Variants in CEP112 observed in about 807,000 individuals in gnomAD.
The protein encoded by CEP112 is centrosomal protein of 112 kDa.
Under a neutral mutation model 153.0 loss-of-function variants are expected in CEP112, and 127 were observed. The observed-to-expected ratio is 0.83, with a 90% CI of 0.72 to 0.96. The LOEUF (loss-of-function observed/expected upper bound fraction) is 0.96, where lower values mean the gene tolerates loss of function less well. Ranked by LOEUF, CEP112 falls within the 40% of genes least tolerant of loss-of-function variation. The pLI is 0.00. For missense variants in CEP112, 1,089 were observed against 1,101.2 expected, an observed-to-expected ratio of 0.99 and a Z score of 0.16; for synonymous variants, 358 against 374.4, an observed-to-expected ratio of 0.96 and a Z score of 0.51.
At chr17:65,664,574 A>G (rs1034294959) in intron 24 of CEP112, among the ~76,000 whole-genome samples, 1 of 152,200 alleles carries the variant, frequency 6.6e-6, no homozygotes, top group Admixed American at 6.5e-5. Flanking sequence ...GGGAGAACGG[A>G]GATGATGAAT....
chr17:65,970,205 TGTC>T (rs1568312619), intron 17 of CEP112, among the ~76,000 whole-genome samples: 1 of 148,538 alleles, frequency 6.7e-6, no homozygotes, highest in South Asian at 2.2e-4. Context: ...GCTGCATGCA[TGTC>T]ATGCATGCAT....
chr17:65,870,523 T>G (rs2058638517), intron 20 of CEP112, among the ~76,000 whole-genome samples: 1 of 152,210 alleles, frequency 6.6e-6, no homozygotes. Context: ...TATATATTTT[T>G]TCTAGACTCA....
rs146760522 is a variant in CEP112, at chr17:65,654,007, C to T, written c.2698-12942G>A. Among the ~76,000 whole-genome samples the T allele has an allele frequency of 7.5e-3, 1,046 of 139,188 alleles. 17 individuals are homozygous for T. Among genetic ancestry groups the T allele is most frequent in the African/African-American group, 0.027 (986 of 36,170 alleles). The allele number at this position is 139,188 out of a possible 152,430, so 91.3% of individuals were successfully genotyped here. On this transcript the variant is annotated intron_variant, in intron 24 of 26. Coordinates refer to ENST00000535342, the MANE Select transcript of CEP112 (RefSeq NM_001199165.4). ...CCAGGAGACAGAGGTTGCAGTAAGC[C>T]GAGATTGCGCCACTGTACTCTAGCC...
chr17:65,900,927 A>G (rs1206738568), intron 20 of CEP112, among the ~76,000 whole-genome samples: 1 of 152,220 alleles, frequency 6.6e-6, no homozygotes, highest in East Asian at 1.9e-4. Context: ...GTTGAAAATA[A>G]TTGTACTGTA....
intron 6 of CEP112, among the ~76,000 whole-genome samples, chr17:66,110,720 T>G (rs1483920592): frequency 2.0e-5 from 3 of 147,460 alleles, no homozygotes; most frequent in Non-Finnish European, 3.0e-5. Flanking sequence ...TCAAGATGGA[T>G]TAAAGACTTA....
At chr17:65,918,523 T>G (rs1480597367) in intron 19 of CEP112, among the ~76,000 whole-genome samples, 1 of 152,362 alleles carries the variant, frequency 6.6e-6, no homozygotes, top group East Asian at 1.9e-4. Context: ...CTTGTTTATC[T>G]GCTGAACTAC....
At chr17:65,852,235 TTCC>T (rs2057963751) in intron 20 of CEP112, among the ~76,000 whole-genome samples, 2 of 14,064 alleles carry the variant, frequency 1.4e-4, no homozygotes, top group Non-Finnish European at 3.3e-4. Context: ...TCCCTCTCCC[TTCC>T]TTCCTTCCTT....
chr17:65,827,370 T>C, intron 21 of CEP112, among the ~76,000 whole-genome samples: 1 of 152,200 alleles, frequency 6.6e-6, no homozygotes. Context: ...TATCTATGGC[T>C]TACTTTCTGG....
chr17:66,110,288 C>T lies in CEP112; in HGVS notation c.643-13656G>A, dbSNP rs146600666. Among the ~76,000 whole-genome samples, 28 of 150,872 alleles carry T rather than the reference C, an allele frequency of 1.9e-4. 2 individuals carry two copies. In the East Asian group the frequency reaches 2.5e-3, roughly 14 times the overall value. On this transcript the variant is annotated intron_variant, in intron 6 of 26. Transcript: ENST00000535342. ...CGGAGGATGCAGTGAGCAGAGATTG[C>T]GCCACTGCATTCCAGCCTGGCAATG...
In CEP112 at chr17:65,749,341, T is replaced by C. The variant is rs184465882; in HGVS notation, c.2457+1321A>G. Among the ~76,000 whole-genome samples the C allele has an allele frequency of 8.4e-3, 1,276 of 151,998 alleles. 13 individuals are homozygous for C. Among genetic ancestry groups the C allele is most frequent in the South Asian group, 0.02 (96 of 4,810 alleles). ...GACCAATATGGTGAAACCCTGTCTC[T>C]ACTAAAAATACAAAAAATTAGCTGG... On this transcript the variant is annotated intron_variant, in intron 22 of 26. Transcript: ENST00000535342.
Position 65,860,942 on chromosome 17 carries a change from C to A in CEP112, c.2164-8908G>T, listed in dbSNP as rs566565246. Among the ~76,000 whole-genome samples the A allele has an allele frequency of 2.1e-3, 323 of 152,236 alleles. 3 individuals are homozygous for A. Among genetic ancestry groups the A allele is most frequent in the East Asian group, 2.7e-3 (14 of 5,186 alleles). ...TTCAGCAATAAAGAGAAATGCAGAC[C>A]TAATACATGCTACAGTAGGAATGAA... On this transcript the variant is annotated intron_variant, in intron 20 of 26. Coordinates refer to ENST00000535342, the MANE Select transcript of CEP112 (RefSeq NM_001199165.4).
At chr17:65,697,389 T>A (rs1419471914) in intron 23 of CEP112, among the ~76,000 whole-genome samples, 1 of 152,222 alleles carries the variant, frequency 6.6e-6, no homozygotes, top group Non-Finnish European at 1.5e-5. Context: ...GCTGATAATA[T>A]TTCTGATGAG....
intron 4 of CEP112, among the ~76,000 whole-genome samples, chr17:66,169,739 T>A (rs1598485796): frequency 6.6e-6 from 1 of 152,204 alleles, no homozygotes; most frequent in East Asian, 1.9e-4. Flanking sequence ...TTTATAAACA[T>A]GTATTATATA....
intron 4 of CEP112, among the ~76,000 whole-genome samples, chr17:66,140,785 A>T (rs1197671971): frequency 6.6e-6 from 1 of 151,654 alleles, no homozygotes. Context: ...TTACAGGCAC[A>T]CACCACCACG....
chr17:65,842,559 G>C (rs913058462), intron 21 of CEP112, among the ~76,000 whole-genome samples: 8 of 152,098 alleles, frequency 5.3e-5, no homozygotes, highest in Non-Finnish European at 1.5e-5. Context: ...GTCCCTCTCA[G>C]GTAAGGATGA....
intron 19 of CEP112, among the ~76,000 whole-genome samples, chr17:65,927,020 G>A (rs1031379399): frequency 6.6e-6 from 1 of 152,220 alleles, no homozygotes; most frequent in African/African-American, 2.4e-5. Context: ...CGGCCTTGTG[G>A]GAGGTGTTTG....
At chr17:66,086,536 T>C (rs997758033) in intron 8 of CEP112, among the ~76,000 whole-genome samples, 2 of 151,644 alleles carry the variant, frequency 1.3e-5, no homozygotes, top group East Asian at 3.9e-4. Context: ...CCTGAGTAGC[T>C]GGAACTACAG....
chr17:66,190,391 C>T (rs1468318438), intron 1 of CEP112, among the ~76,000 whole-genome samples: 1 of 151,844 alleles, frequency 6.6e-6, no homozygotes, highest in African/African-American at 2.4e-5. Flanking sequence ...TAAGTTCCAA[C>T]TTATCAAAAG....
intron 17 of CEP112, among the ~76,000 whole-genome samples, chr17:65,982,795 A>G: frequency 6.6e-6 from 1 of 152,226 alleles, no homozygotes; most frequent in East Asian, 1.9e-4. Flanking sequence ...AATAGCCAAA[A>G]GGTAGCAACA....
Sources: allele counts gnomAD v4.1 joint callset (sites outside exome capture counted in the v4.1 genomes callset), GRCh38; gene constraint gnomAD v4.1.1; transcripts MANE v1.5; gene names NCBI Gene and HGNC (gene_info 2026-07-23, HGNC 2026-07-21).